The following CEP83 variants were observed in gnomAD, a reference collection of about 807,000 sequenced individuals.
The protein encoded by CEP83 is centrosomal protein of 83 kDa.
In CEP83, 70 loss-of-function variants were observed where a neutral mutation model predicts 101.9. The ratio of observed to expected loss-of-function variants is 0.69; its 90% CI spans 0.57 to 0.84. The LOEUF is 0.84. CEP83 is among the 40% of genes least tolerant of loss of function. CEP83 has a pLI of 0.00. For missense variants in CEP83, 715 were observed against 787.2 expected, an observed-to-expected ratio of 0.91 and a Z score of 1.10; for synonymous variants, 264 against 267.9, an observed-to-expected ratio of 0.99 and a Z score of 0.14.
chr12:94,319,893 G>A lies in CEP83; in HGVS notation c.1708-6876C>T, dbSNP rs375316926. On this transcript the variant is annotated intron_variant, in intron 14 of 16. Coordinates refer to ENST00000397809, the MANE Select transcript of CEP83 (RefSeq NM_016122.3). ...CTATCTGGTCCAATGTTAAGTTCACGTCCTGAATATCTTTGTTAACTTTCT... is the reference window on the plus strand; with the variant it reads ...CTATCTGGTCCAATGTTAAGTTCACATCCTGAATATCTTTGTTAACTTTCT... Among the ~76,000 whole-genome samples the A allele has an allele frequency of 5.9e-5, 9 of 152,226 alleles. No homozygotes were observed. The East Asian group carries it at 7.7e-4, about 13-fold the overall frequency.
upstream of CEP83, chr12:94,460,080 G>C (rs1055547154): frequency 3.9e-5 from 6 of 152,344 alleles, no homozygotes; most frequent in Admixed American, 2.6e-4. Flanking sequence ...AGCGGCCACG[G>C]GTGACAGCGG....
At chr12:94,359,126 A>G (rs1410953013) in intron 11 of CEP83, among the ~76,000 whole-genome samples, 1 of 152,210 alleles carries the variant, frequency 6.6e-6, no homozygotes, top group Non-Finnish European at 1.5e-5. Context: ...CTATAGAAAC[A>G]ATGCTAATGA....
chr12:94,400,061 T>A (rs2063161347), intron 6 of CEP83, among the ~76,000 whole-genome samples: 1 of 152,262 alleles, frequency 6.6e-6, no homozygotes, highest in African/African-American at 2.4e-5. Context: ...AAGGTAAGTA[T>A]ATTTTAACTC....
Position 94,383,051 on chromosome 12 carries a change from A to G in CEP83, c.550-4009T>C, listed in dbSNP as rs953176020. On this transcript the variant is annotated intron_variant, in intron 6 of 16. Coordinates refer to ENST00000397809, the MANE Select transcript of CEP83 (RefSeq NM_016122.3). The stretch of plus-strand genomic sequence containing the variant: ...CAAACATTTTGCACCTCTGGTGCAC[A>G]TACATTTAGTATTCCTGTGTCTTCT... Among the ~76,000 whole-genome samples the G allele has an allele frequency of 8.5e-5, 13 of 152,052 alleles. No individual in the cohort carries two copies. The South Asian group carries it at 1.7e-3, about 19-fold the overall frequency.
chr12:94,319,706 T>G (rs1971321917), intron 14 of CEP83, among the ~76,000 whole-genome samples: 1 of 152,200 alleles, frequency 6.6e-6, no homozygotes, highest in Non-Finnish European at 1.5e-5. Flanking sequence ...GATTTCAATT[T>G]TTATTGTGCT....
At chr12:94,438,090 G>A (rs2066127801) in intron 1 of CEP83, among the ~76,000 whole-genome samples, 1 of 151,988 alleles carries the variant, frequency 6.6e-6, no homozygotes, top group Non-Finnish European at 1.5e-5. Context: ...ATGGTGGCAG[G>A]TGCCTGTAAA....
chr12:94,320,098 T>C (rs1008172275), intron 14 of CEP83, among the ~76,000 whole-genome samples: 3 of 152,224 alleles, frequency 2.0e-5, no homozygotes, highest in Non-Finnish European at 2.9e-5. Context: ...TTTACCATTA[T>C]GTAAACCCGT....
At chr12:94,287,691 G>A in the CEP83 span, among the ~76,000 whole-genome samples, 1 of 152,200 alleles carries the variant, frequency 6.6e-6, no homozygotes, top group Non-Finnish European at 1.5e-5. Flanking sequence ...AAGCTCATAG[G>A]AATGCCCCAA....
At chr12:94,285,967 A>G in the CEP83 span, among the ~76,000 whole-genome samples, 1 of 152,192 alleles carries the variant, frequency 6.6e-6, no homozygotes, top group Non-Finnish European at 1.5e-5. Context: ...ACCCACTGCC[A>G]TTAATAGGAG....
the CEP83 span, among the ~76,000 whole-genome samples, chr12:94,293,791 A>G: frequency 6.6e-6 from 1 of 152,120 alleles, no homozygotes; most frequent in East Asian, 1.9e-4. Flanking sequence ...GATAATTAAA[A>G]AAATTTTTTT....
intron 6 of CEP83, among the ~76,000 whole-genome samples, chr12:94,386,975 GC>G (rs1341003067): frequency 6.6e-6 from 1 of 152,110 alleles, no homozygotes; most frequent in Non-Finnish European, 1.5e-5. Flanking sequence ...ACAATCTGAT[GC>G]TCAACAAAGT....
downstream of CEP83, among the ~76,000 whole-genome samples, chr12:94,302,944 A>G (rs1968614823): frequency 6.6e-6 from 1 of 152,184 alleles, no homozygotes; most frequent in Non-Finnish European, 1.5e-5. Flanking sequence ...GACAAATGAG[A>G]AAATCTCAAT....
chr12:94,389,728 G>A (rs1056813763), intron 6 of CEP83, among the ~76,000 whole-genome samples: 1 of 152,280 alleles, frequency 6.6e-6, no homozygotes, highest in South Asian at 2.1e-4. Context: ...AAGGGAAGCT[G>A]TAACAGACTA....
At chr12:94,365,786 A>AG (rs2060994504) in intron 11 of CEP83, among the ~76,000 whole-genome samples, 1 of 151,970 alleles carries the variant, frequency 6.6e-6, no homozygotes, top group Non-Finnish European at 1.5e-5. Context: ...AAAAAAAAAA[A>AG]AAGACAAAAT....
chr12:94,379,728 A>T (rs1243546219), intron 6 of CEP83, among the ~76,000 whole-genome samples: 1 of 152,092 alleles, frequency 6.6e-6, no homozygotes, highest in Non-Finnish European at 1.5e-5. Flanking sequence ...CCTCCAAATC[A>T]GTGGGTTTCA....
chr12:94,361,803 G>A (rs2060776459), intron 11 of CEP83, among the ~76,000 whole-genome samples: 1 of 151,976 alleles, frequency 6.6e-6, no homozygotes, highest in Non-Finnish European at 1.5e-5. Flanking sequence ...CTGAGTTCAA[G>A]CAATTCTCCT....
downstream of CEP83, among the ~76,000 whole-genome samples, chr12:94,301,547 C>G (rs1968467018): frequency 6.6e-6 from 1 of 152,128 alleles, no homozygotes; most frequent in Non-Finnish European, 1.5e-5. Context: ...CTTTGCTGAT[C>G]AATAGTCCCA....
rs1969756398 is a variant in CEP83, at chr12:94,310,904, G to A, written c.1812-797C>T. 2.0e-5 allele frequency among the ~76,000 whole-genome samples: 3 copies of A among 152,170 alleles called. No homozygotes were observed. The South Asian group carries it at 6.2e-4, about 31-fold the overall frequency. Reference sequence around the variant, plus strand: ...AGCTCCTAAAACTCTGGGAAACTCTGAAGTGATAAGAGTATCTTTTGTATA... The same window carrying A: ...AGCTCCTAAAACTCTGGGAAACTCTAAAGTGATAAGAGTATCTTTTGTATA... On this transcript the variant is annotated intron_variant, in intron 15 of 16. Coordinates refer to ENST00000397809, the MANE Select transcript of CEP83 (RefSeq NM_016122.3).
At chr12:94,419,498 T>G (rs1277952476) in intron 2 of CEP83, among the ~76,000 whole-genome samples, 1 of 152,056 alleles carries the variant, frequency 6.6e-6, no homozygotes, top group East Asian at 1.9e-4. Context: ...AAACTTAACA[T>G]GCTGATTCAA....
Sources: gnomAD v4.1 joint callset for allele counts (sites outside exome capture counted in the v4.1 genomes callset) on GRCh38, gnomAD v4.1.1 for gene constraint, MANE v1.5 for transcripts, NCBI Gene and HGNC (gene_info 2026-07-23, HGNC 2026-07-21) for gene names.